HTR3B: variants seen among roughly 807,000 people sequenced by gnomAD.
HTR3B encodes the protein 5-hydroxytryptamine receptor 3B.
In HTR3B, 44 loss-of-function variants were observed where a neutral mutation model predicts 42.8. That is an observed-to-expected ratio of 1.03 (90% CI 0.81 to 1.32). HTR3B has a LOEUF of 1.32. Among genes scored for constraint, HTR3B ranks in the 40% most tolerant of loss-of-function variants. The pLI, the probability that HTR3B is intolerant of heterozygous loss-of-function variation, is 0.00. For synonymous variants in HTR3B, 203 were observed against 209.0 expected (o/e 0.97, Z 0.25); for missense variants, 527 against 536.5 (o/e 0.98, Z 0.17).
At chr11:113,933,792 C>A (rs1020004571) in intron 6 of HTR3B, among the ~76,000 whole-genome samples, 1 of 152,138 alleles carries the variant, frequency 6.6e-6, no homozygotes, top group Non-Finnish European at 1.5e-5. Context: ...ATCTTTGGCC[C>A]CCTGGGAAAC....
At chr11:113,940,048 G>A (rs1459516125) in intron 6 of HTR3B, among the ~76,000 whole-genome samples, 1 of 151,980 alleles carries the variant, frequency 6.6e-6, no homozygotes, top group Non-Finnish European at 1.5e-5. Context: ...CACCACACCT[G>A]GCTGATTTTT....
In HTR3B at chr11:113,916,196, A is replaced by T. The variant is rs144591423; in HGVS notation, c.213+6741A>T. On this transcript the variant is annotated intron_variant, in intron 2 of 8. Coordinates refer to ENST00000260191, the MANE Select transcript of HTR3B (RefSeq NM_006028.5). Reference sequence around the variant, plus strand: ...GCTGTAGTATCTCAATGTAGTTTTTAATTTTTATTTCCCTAACATTTGAAC... The same window carrying T: ...GCTGTAGTATCTCAATGTAGTTTTTTATTTTTATTTCCCTAACATTTGAAC... 2.9e-3 allele frequency among the ~76,000 whole-genome samples: 447 copies of T among 152,232 alleles called. 17 individuals are homozygous for T. The East Asian group carries it at 0.077, about 26-fold the overall frequency.
chr11:113,909,368 A>T lies in HTR3B; in HGVS notation c.126A>T (p.Lys42Asn), dbSNP rs927965865. Residue 42 changes from lysine to asparagine, a missense_variant, in exon 2 of 9, where the codon AAA (lysine) becomes AAT (asparagine). By Grantham distance (94) the Lys-to-Asn change is moderately conservative. Coordinates refer to ENST00000260191, the MANE Select transcript of HTR3B (RefSeq NM_006028.5). ...LYHLSKQLLQ[K>N]YHKEVRPVYN... ...ATCTCAGCAAGCAGCTATTACAGAA[A>T]TATCATAAAGAAGTGAGACCTGTTT... 4.3e-6 allele frequency: 7 copies of T among 1,613,570 alleles called. No individual in the cohort carries two copies. In the Admixed American group the frequency reaches 6.7e-5, roughly 15 times the overall value.
rs746532839 is a variant in HTR3B, at chr11:113,945,995, A to G, written c.1184A>G (p.Gln395Arg). Reference protein sequence around the residue: ...LQSISNYLQTQDQTDQQEAEW... With the variant: ...LQSISNYLQTRDQTDQQEAEW... ...TCTATCAGCAACTACCTCCAAACTC[A>G]GGACCAGACAGACCAACAGGAGGCA... The change falls in exon 9 of 9, where the codon CAG (glutamine) becomes CGG (arginine). Residue 395 changes from glutamine (Q) to arginine (R), a missense_variant. Gln to Arg is a conservative substitution (Grantham distance 43, BLOSUM62 1). Coordinates refer to ENST00000260191, the MANE Select transcript of HTR3B (RefSeq NM_006028.5). The G allele has an allele frequency of 2.5e-6, 4 of 1,613,878 alleles. No homozygotes were observed. The South Asian group carries it at 3.3e-5, about 13-fold the overall frequency.
chr11:113,941,104 T>C (rs549339593), intron 6 of HTR3B, among the ~76,000 whole-genome samples: 1 of 152,180 alleles, frequency 6.6e-6, no homozygotes. Flanking sequence ...TCACACCATA[T>C]GTGTGAAAGT....
At position 113,931,385 on chromosome 11, in the gene HTR3B, A is replaced by T. The variant is rs752973900; in HGVS notation, c.215A>T (p.Asp72Val). 15 of 1,601,976 alleles carry T rather than the reference A, an allele frequency of 9.4e-6. No individual in the cohort carries two copies. The Admixed American group carries it at 2.4e-4, about 26-fold the overall frequency. Residue 72 changes from aspartate to valine, a missense_variant and splice_region_variant, in exon 3 of 9, where the codon GAT becomes GTT. Transcript: ENST00000260191. ...DLFVHAILDV[D>V]AENQILKTSV... is the part of the protein sequence containing the mutation. The stretch of plus-strand genomic sequence containing the variant: ...GTGGATTTTCTTTTTGCCTTGCAGG[A>T]TGCAGAGAATCAAATATTAAAGACA...
At chr11:113,899,013 T>C in the HTR3B span, among the ~76,000 whole-genome samples, 1 of 152,160 alleles carries the variant, frequency 6.6e-6, no homozygotes, top group African/African-American at 2.4e-5. Context: ...AAACTAAGGC[T>C]TAGAAGCAGT....
chr11:113,913,655 C>T lies in HTR3B; in HGVS notation c.213+4200C>T, dbSNP rs149170544. On this transcript the variant is annotated intron_variant, in intron 2 of 8. Transcript: ENST00000260191. Reference sequence around the variant, plus strand: ...TCAGTCTCCCGAGTAGCTGGGACTACAGGCACGTGCCATCACACCCGGCTA... The same window carrying T: ...TCAGTCTCCCGAGTAGCTGGGACTATAGGCACGTGCCATCACACCCGGCTA... Among the ~76,000 whole-genome samples, 50 of 152,136 alleles carry T rather than the reference C, an allele frequency of 3.3e-4. 2 individuals carry two copies. The East Asian group carries it at 9.3e-3, about 28-fold the overall frequency.
At chr11:113,931,635 C>A in intron 3 of HTR3B, 123 bp from the exon 4 acceptor site, 1 of 703,778 alleles carries the variant, frequency 1.4e-6, no homozygotes, top group African/African-American at 1.8e-5. Context: ...GAAGTCCTTT[C>A]TCCTAACAGG....
Position 113,945,973 on chromosome 11 carries a change from A to G in HTR3B, c.1162A>G (p.Ile388Val). ...LKEVWSQLQSISNYLQTQDQT... is the reference protein window; with the variant it reads ...LKEVWSQLQSVSNYLQTQDQT... Reference sequence around the variant, plus strand: ...GGAAGTCTGGTCGCAGCTTCAATCTATCAGCAACTACCTCCAAACTCAGGA... The same window carrying G: ...GGAAGTCTGGTCGCAGCTTCAATCTGTCAGCAACTACCTCCAAACTCAGGA... The change falls in exon 9 of 9, where the codon ATC becomes GTC. Residue 388 changes from isoleucine to valine, a missense_variant. Ile to Val is a conservative substitution (Grantham distance 29, BLOSUM62 3). Transcript: ENST00000260191. The G allele has an allele frequency of 6.2e-7, 1 of 1,614,106 alleles. No individual in the cohort carries two copies. Among genetic ancestry groups the G allele is most frequent in the Non-Finnish European group, 8.5e-7 (1 of 1,180,000 alleles).
chr11:113,925,214 G>A (rs896049127), intron 2 of HTR3B, among the ~76,000 whole-genome samples: 3 of 152,010 alleles, frequency 2.0e-5, no homozygotes, highest in Non-Finnish European at 2.9e-5. Context: ...TTTTTATGTC[G>A]CTGGATAATT....
chr11:113,934,966 C>A (rs576243008), intron 6 of HTR3B, among the ~76,000 whole-genome samples: 64 of 152,192 alleles, frequency 4.2e-4, no homozygotes, highest in African/African-American at 1.5e-3. Context: ...ACCTACACTG[C>A]ACGGAGGAGA....
At chr11:113,927,239 T>G (rs1192634724) in intron 2 of HTR3B, among the ~76,000 whole-genome samples, 2 of 152,206 alleles carry the variant, frequency 1.3e-5, no homozygotes, top group Non-Finnish European at 2.9e-5. Flanking sequence ...CCTTTCATCT[T>G]GCAAAACTGA....
chr11:113,931,542 C>G, intron 3 of HTR3B, 114 bp downstream of exon 3: 1 of 738,738 alleles, frequency 1.4e-6, no homozygotes, highest in Non-Finnish European at 2.2e-6. Context: ...CTTAGATCTG[C>G]AGCAGACCTA....
chr11:113,930,776 A>T lies in HTR3B; in HGVS notation c.214-608A>T, dbSNP rs75642429. Among the ~76,000 whole-genome samples, 1,033 of 152,026 alleles carry T rather than the reference A, an allele frequency of 6.8e-3. 3 individuals carry two copies. The highest frequency in any genetic ancestry group is 0.011 in the Non-Finnish European group (748 of 67,992). On this transcript the variant is annotated intron_variant, in intron 2 of 8. Transcript: ENST00000260191. ...AAATGTGGAATCACAGGGACGAACC[A>T]CTGTGCCCAGCCAGGAGGGTTTTTT...
At chr11:113,939,222 C>T (rs888029634) in intron 6 of HTR3B, among the ~76,000 whole-genome samples, 12 of 152,162 alleles carry the variant, frequency 7.9e-5, no homozygotes, top group Admixed American at 1.3e-4. Context: ...GACGGCTTTG[C>T]TTTATGTTAC....
upstream of HTR3B, among the ~76,000 whole-genome samples, chr11:113,904,191 A>G (rs541965446): frequency 7.3e-5 from 11 of 150,682 alleles, no homozygotes; most frequent in East Asian, 7.8e-4. Context: ...TCAAAAAGTG[A>G]AAAAAAAACT....
chr11:113,922,420 G>T (rs747924963), intron 2 of HTR3B, among the ~76,000 whole-genome samples: 2 of 151,952 alleles, frequency 1.3e-5, no homozygotes. Context: ...TTTTTGTAGA[G>T]ACTTAATTTC....
At chr11:113,908,942 G>A in intron 1 of HTR3B, 1 of 343,402 alleles carries the variant, frequency 2.9e-6, no homozygotes. Context: ...GGCTAAGTGT[G>A]TAGGTGGGTT....
Sources: allele counts gnomAD v4.1 joint callset (sites outside exome capture counted in the v4.1 genomes callset), GRCh38; gene constraint gnomAD v4.1.1; transcripts MANE v1.5; gene names NCBI Gene and HGNC (gene_info 2026-07-23, HGNC 2026-07-21).